CEP120: variants seen among roughly 807,000 people sequenced by gnomAD.
The protein encoded by CEP120 is centrosomal protein 120, also known as centrosomal protein of 120 kDa.
CEP120 carries 113 observed loss-of-function variants against 126.5 expected under a neutral mutation model. The ratio of observed to expected loss-of-function variants is 0.89; its 90% CI spans 0.77 to 1.04. CEP120 has a LOEUF of 1.04. CEP120 is among the 50% of genes least tolerant of loss of function. CEP120 has a pLI of 0.00. For missense variants in CEP120, 1,230 were observed against 1,155.7 expected (o/e 1.06, Z -0.93); for synonymous variants, 400 against 394.3 (o/e 1.01, Z -0.17).
At chr5:123,420,374 T>C (rs1248187300) in intron 1 of CEP120, among the ~76,000 whole-genome samples, 9 of 152,194 alleles carry the variant, frequency 5.9e-5, no homozygotes, top group Admixed American at 5.9e-4. Context: ...ATCTAGTACA[T>C]AGCCCAAATT....
chr5:123,364,680 TAAGAA>T, intron 17 of CEP120, 86 bp from the exon 18 acceptor site: 1 of 685,126 alleles, frequency 1.5e-6, no homozygotes, highest in Non-Finnish European at 2.3e-6. Flanking sequence ...GAGTCTGGCT[TAAGAA>T]AAGAGTTTAT....
intron 18 of CEP120, among the ~76,000 whole-genome samples, chr5:123,363,863 A>G (rs1446055673): frequency 6.6e-6 from 1 of 151,628 alleles, no homozygotes; most frequent in Non-Finnish European, 1.5e-5. Flanking sequence ...AATCTTTAAA[A>G]GATTTAGGTC....
At chr5:123,381,380 A>AGCACTGGG (rs145635926) in intron 14 of CEP120, among the ~76,000 whole-genome samples, 1 of 151,900 alleles carries the variant, frequency 6.6e-6, no homozygotes, top group Non-Finnish European at 1.5e-5. Context: ...AGAGAGAAGG[A>AGCACTGGG]GCACTGGAGC....
chr5:123,401,464 A>T (rs1773231302), intron 4 of CEP120: 6 of 1,289,994 alleles, frequency 4.7e-6, no homozygotes, highest in Non-Finnish European at 6.8e-6. Context: ...CATGCTTCCC[A>T]GCCAGACTCT....
At chr5:123,379,686 G>T (rs531413923) in intron 14 of CEP120, among the ~76,000 whole-genome samples, 1 of 151,914 alleles carries the variant, frequency 6.6e-6, no homozygotes, top group African/African-American at 2.4e-5. Flanking sequence ...GGATTTACGA[G>T]ATCATTTATT....
At position 123,372,695 on chromosome 5, in the gene CEP120, T is replaced by C. The variant is rs539413796; in HGVS notation, c.2436A>G (p.Pro812=). The C allele has an allele frequency of 2.5e-6, 4 of 1,611,982 alleles. No individual in the cohort carries two copies. In the South Asian group the frequency reaches 4.4e-5, roughly 18 times the overall value. The change falls in exon 17 of 20, where the codon CCA becomes CCG. Residue 812 remains proline (P), a synonymous_variant. Coordinates refer to ENST00000306467, the MANE Select transcript of CEP120 (RefSeq NM_001375405.1). Reference sequence around the variant, plus strand: ...TTATTTCAGACTGTAGACGGATTTCTGGTTTGTTGTTTTGCTGGTCCTTGA... The same window carrying C: ...TTATTTCAGACTGTAGACGGATTTCCGGTTTGTTGTTTTGCTGGTCCTTGA... The part of the protein sequence containing the change: ...QQFKDQQNNK[P]EIRLQSEINL...
chr5:123,422,989 T>C lies in CEP120; in HGVS notation c.10A>G (p.Lys4Glu), dbSNP rs2127150715. Reference protein sequence around the residue: MVSKSDQLLIVVSI... With the variant: MVSESDQLLIVVSI... ...ACGACGATGAGCAATTGGTCGGATT[T>C]GGAGACCATGGTTGCGGTGAGCGGT... The change falls in exon 1 of 20, where the codon AAA becomes GAA. Residue 4 changes from lysine to glutamate, a missense_variant. By Grantham distance (56) the Lys-to-Glu change is moderately conservative. Transcript: ENST00000306467. The C allele has an allele frequency of 5.0e-6, 8 of 1,614,122 alleles. No individual in the cohort carries two copies. Among genetic ancestry groups the C allele is most frequent in the African/African-American group, 2.7e-5 (2 of 75,064 alleles).
intron 18 of CEP120, among the ~76,000 whole-genome samples, chr5:123,350,803 A>C (rs1409766741): frequency 1.3e-5 from 2 of 152,248 alleles, no homozygotes; most frequent in Non-Finnish European, 2.9e-5. Context: ...AAAAAAGTTT[A>C]ACAATTCTTC....
chr5:123,368,424 C>T (rs1310591020), intron 17 of CEP120, among the ~76,000 whole-genome samples: 1 of 151,880 alleles, frequency 6.6e-6, no homozygotes, highest in Non-Finnish European at 1.5e-5. Context: ...TACTTTACTA[C>T]TTGGTTTTAT....
chr5:123,403,368 C>T (rs1773406137), intron 4 of CEP120: 1 of 451,232 alleles, frequency 2.2e-6, no homozygotes, highest in Non-Finnish European at 4.4e-6. Context: ...TTGATAAGTT[C>T]AAAGAATCAT....
intron 1 of CEP120, among the ~76,000 whole-genome samples, chr5:123,422,237 T>C (rs1447839008): frequency 6.6e-6 from 1 of 152,224 alleles, no homozygotes; most frequent in Non-Finnish European, 1.5e-5. Flanking sequence ...CCTAATCATC[T>C]GTAGGACCCC....
chr5:123,351,270 C>T (rs892599202), intron 18 of CEP120, among the ~76,000 whole-genome samples: 2 of 152,144 alleles, frequency 1.3e-5, no homozygotes, highest in Non-Finnish European at 2.9e-5. Flanking sequence ...TTGAACTTAA[C>T]ACAGAATCTA....
In CEP120 at chr5:123,412,437, C is replaced by T; in HGVS notation, c.425G>A (p.Ser142Asn). 1 of 1,611,338 alleles carries T rather than the reference C, an allele frequency of 6.2e-7. No individual in the cohort carries two copies. The highest frequency in any genetic ancestry group is 8.5e-7 in the Non-Finnish European group (1 of 1,179,052). Residue 142 changes from serine to asparagine, a missense_variant, in exon 4 of 20, where the codon AGC becomes AAC. By Grantham distance (46) the Ser-to-Asn change is conservative. Transcript: ENST00000306467. ...AGGGGGAGCCCCCTTTGCTTTAAAG[C>T]TATCCACTGGTGGCTTTGTATCGGT... Reference protein sequence around the residue: ...LETDTKPPVDSFKAKGAPPRD... With the variant: ...LETDTKPPVDNFKAKGAPPRD...
chr5:123,401,060 C>G (rs1173950684), intron 4 of CEP120: 122 of 1,570,518 alleles, frequency 7.8e-5, no homozygotes, highest in Non-Finnish European at 1.0e-4. Flanking sequence ...TTGTGAGGCC[C>G]CCACAGGCCG....
At chr5:123,398,594 AG>A (rs781250936) in intron 5 of CEP120, among the ~76,000 whole-genome samples, 3 of 152,194 alleles carry the variant, frequency 2.0e-5, no homozygotes, top group African/African-American at 4.8e-5. Context: ...ACCTGGGGTA[AG>A]GGCAACTGAA....
chr5:123,416,603 T>A lies in CEP120; in HGVS notation c.207-479A>T, dbSNP rs367663154. ...AAAATAAAAATAAAAATAAAAAAAATAAACAGGTAAGAACTATTAATTATA... is the reference window on the plus strand; with the variant it reads ...AAAATAAAAATAAAAATAAAAAAAAAAAACAGGTAAGAACTATTAATTATA... On this transcript the variant is annotated intron_variant, in intron 2 of 19. Transcript: ENST00000306467. 6.7e-4 allele frequency among the ~76,000 whole-genome samples: 82 copies of A among 121,880 alleles called. 3 individuals are homozygous for A. The highest frequency in any genetic ancestry group is 8.8e-4 in the Admixed American group (11 of 12,488). 80.0% of individuals were successfully genotyped at this position (121,880 alleles called of 152,430 possible).
intron 4 of CEP120, chr5:123,401,353 G>A (rs1367177179): frequency 2.1e-5 from 34 of 1,587,054 alleles, no homozygotes; most frequent in Non-Finnish European, 2.9e-5. Flanking sequence ...CGGCCTCCAG[G>A]AAAGCCCTCT....
At chr5:123,384,912 G>A (rs1337818088) in intron 11 of CEP120, 39 bp downstream of exon 11, 13 of 1,516,110 alleles carry the variant, frequency 8.6e-6, no homozygotes, top group Admixed American at 2.1e-5. Context: ...TCCATGAATT[G>A]AAAAGAAAAG....
intron 18 of CEP120, among the ~76,000 whole-genome samples, chr5:123,362,958 C>A (rs1770194692): frequency 6.6e-6 from 1 of 151,612 alleles, no homozygotes; most frequent in Admixed American, 6.6e-5. Flanking sequence ...AAAACTGGAC[C>A]AGACACTGAA....
Sources: gnomAD v4.1 joint callset for allele counts (sites outside exome capture counted in the v4.1 genomes callset) on GRCh38, gnomAD v4.1.1 for gene constraint, MANE v1.5 for transcripts, NCBI Gene and HGNC (gene_info 2026-07-23, HGNC 2026-07-21) for gene names.